ANGPTL6: variants seen among roughly 807,000 people sequenced by gnomAD.
The protein encoded by ANGPTL6 is angiopoietin like 6, also known as angiopoietin-related protein 6.
In ANGPTL6, 45 loss-of-function variants were observed where a neutral mutation model predicts 47.4. That is an observed-to-expected ratio of 0.95 (90% CI 0.75 to 1.22). The LOEUF is 1.22. Among genes scored for constraint, ANGPTL6 ranks in the 50% most tolerant of loss-of-function variants. The probability of loss-of-function intolerance (pLI) is 0.00; values close to 1 mark genes in which losing one functional copy is unlikely to be tolerated. For synonymous variants in ANGPTL6, 290 were observed against 295.9 expected (o/e 0.98, Z 0.20); for missense variants, 698 against 669.4 (o/e 1.04, Z -0.47).
chr19:10,094,287 C>T (rs1254718458), intron 3 of ANGPTL6, among the ~76,000 whole-genome samples: 2 of 152,128 alleles, frequency 1.3e-5, no homozygotes, highest in African/African-American at 2.4e-5. Flanking sequence ...GCTGGGACTA[C>T]AGGCGCCCGC....
At chr19:10,098,099 C>T (rs2088591763) in intron 1 of ANGPTL6, among the ~76,000 whole-genome samples, 1 of 151,846 alleles carries the variant, frequency 6.6e-6, no homozygotes, top group South Asian at 2.1e-4. Flanking sequence ...GCTATGTTGC[C>T]TAGGCTGGTC....
chr19:10,100,872 C>A (rs1363048123), intron 1 of ANGPTL6, among the ~76,000 whole-genome samples: 2 of 152,034 alleles, frequency 1.3e-5, no homozygotes, highest in Non-Finnish European at 2.9e-5. Context: ...ACTGGGTGTG[C>A]TGACTCACGC....
At position 10,096,118 on chromosome 19, in the gene ANGPTL6, T is replaced by G. The variant is rs778278866; in HGVS notation, c.446A>C (p.Glu149Ala). Residue 149 changes from glutamate (E) to alanine (A), a missense_variant, in exon 2 of 6, where the codon GAG becomes GCG. Glu to Ala is a moderately radical substitution (Grantham distance 107). Transcript: ENST00000253109. ...GAACCGGGCGGCTGCGCGCTGAGCCTCGGCGGACGCGTTGAGCACGCGCTC... is the reference window on the plus strand; with the variant it reads ...GAACCGGGCGGCTGCGCGCTGAGCCGCGGCGGACGCGTTGAGCACGCGCTC... Reference protein sequence around the residue: ...LGERVLNASAEAQRAAARFHQ... With the variant: ...LGERVLNASAAAQRAAARFHQ... The G allele has an allele frequency of 4.1e-5, 60 of 1,462,194 alleles. No homozygotes were observed. Among genetic ancestry groups the G allele is most frequent in the Non-Finnish European group, 5.0e-5 (55 of 1,108,392 alleles). 90.6% of individuals were successfully genotyped at this position (1,462,194 alleles called of 1,614,324 possible). A position where few individuals can be genotyped will look rare whatever the true frequency, so the allele number is the denominator to read the frequency against.
At chr19:10,105,867 G>A (rs2088807142), upstream of ANGPTL6, among the ~76,000 whole-genome samples, 1 of 152,222 alleles carries the variant, frequency 6.6e-6, no homozygotes, top group Non-Finnish European at 1.5e-5. Flanking sequence ...AGAAGGTGAT[G>A]TGGAGTTTCC....
chr19:10,105,084 C>A (rs1343247470), upstream of ANGPTL6, among the ~76,000 whole-genome samples: 1 of 152,254 alleles, frequency 6.6e-6, no homozygotes, highest in African/African-American at 2.4e-5. Context: ...CGACCAGCCA[C>A]ACGCCGGGAG....
chr19:10,094,566 C>A, intron 3 of ANGPTL6, 192 bp downstream of exon 3: 1 of 711,782 alleles, frequency 1.4e-6, no homozygotes, highest in African/African-American at 1.8e-5. Context: ...CATCGCCTCA[C>A]TAAAGTAAGA....
rs931791154 is a variant in ANGPTL6, at chr19:10,102,321, G to A, written c.-11+247C>T. On this transcript the variant is annotated intron_variant, in intron 1 of 5. Coordinates refer to ENST00000253109, the MANE Select transcript of ANGPTL6 (RefSeq NM_031917.3). The stretch of plus-strand genomic sequence containing the variant: ...ATGGCCACATTTACTTCTGGACTCA[G>A]ACACCAAGCAGGGGCTCACAAGGAT... Among the ~76,000 whole-genome samples the A allele has an allele frequency of 1.8e-4, 28 of 151,562 alleles. 1 individual carries two copies. Among genetic ancestry groups the A allele is most frequent in the African/African-American group, 6.8e-4 (28 of 41,458 alleles).
Position 10,095,968 on chromosome 19 carries a change from G to C in ANGPTL6, c.582+14C>G. The C allele has an allele frequency of 7.7e-7, 1 of 1,299,964 alleles. No individual in the cohort carries two copies. The allele number at this position is 1,299,964 out of a possible 1,614,324, so 80.5% of individuals were successfully genotyped here. ...CACAGACGATGCTGCTCTCCGGGGA[G>C]GCTGCGAGGTTACCTGCTGCTGCCC... On this transcript the variant is annotated intron_variant, in intron 2 of 5. Coordinates refer to ENST00000253109, the MANE Select transcript of ANGPTL6 (RefSeq NM_031917.3).
chr19:10,103,911 G>A (rs2088747911), upstream of ANGPTL6, among the ~76,000 whole-genome samples: 1 of 151,302 alleles, frequency 6.6e-6, no homozygotes, highest in African/African-American at 2.4e-5. Flanking sequence ...TGGCCAAGAT[G>A]GTGAAACCCC....
upstream of ANGPTL6, chr19:10,106,173 C>A: frequency 4.0e-6 from 3 of 755,552 alleles, no homozygotes; most frequent in South Asian, 2.0e-5. Context: ...CGTTTCTCTG[C>A]AGCCCGGAGC....
At chr19:10,099,844 T>C (rs1312596804) in intron 1 of ANGPTL6, among the ~76,000 whole-genome samples, 4 of 91,452 alleles carry the variant, frequency 4.4e-5, no homozygotes. Context: ...TCTCTCTCTC[T>C]TTCTCTCTTT....
Position 10,096,652 on chromosome 19 carries a change from C to G in ANGPTL6, c.-10-79G>C, listed in dbSNP as rs953632169. On this transcript the variant is annotated intron_variant, in intron 1 of 5. Transcript: ENST00000253109. ...CCCTCCGCTTCCACGCGGGGATGCG[C>G]GCGTCTACACCCGCGATGTCCCGGG... 4.5e-6 allele frequency: 5 copies of G among 1,123,514 alleles called. No individual in the cohort carries two copies. The South Asian group carries it at 6.9e-5, about 16-fold the overall frequency. 69.6% of individuals were successfully genotyped at this position (1,123,514 alleles called of 1,614,324 possible).
chr19:10,103,890 C>T (rs10408158), upstream of ANGPTL6, among the ~76,000 whole-genome samples: 13,321 of 150,764 alleles, frequency 0.088, 1,410 homozygotes, highest in East Asian at 0.37. Context: ...GTCAGCAATT[C>T]GAGACCAGCC....
chr19:10,102,349 G>A (rs896149746), intron 1 of ANGPTL6, among the ~76,000 whole-genome samples: 6 of 151,452 alleles, frequency 4.0e-5, no homozygotes, highest in East Asian at 1.9e-4. Context: ...ACAAGGATCC[G>A]GGGGTAGGGT....
chr19:10,096,403 G>A lies in ANGPTL6; in HGVS notation c.161C>T (p.Pro54Leu), dbSNP rs2088542620. The A allele has an allele frequency of 7.6e-7, 1 of 1,316,112 alleles. No homozygotes were observed. The highest frequency in any genetic ancestry group is 9.6e-7 in the Non-Finnish European group (1 of 1,037,652). 81.5% of individuals were successfully genotyped at this position (1,316,112 alleles called of 1,614,324 possible). ...CAGCTCGCTGGCGTTGGCGGCCTCGGGCGTCGCCCGCGTGGATGCGGGGCC... is the reference window on the plus strand; with the variant it reads ...CAGCTCGCTGGCGTTGGCGGCCTCGAGCGTCGCCCGCGTGGATGCGGGGCC... ...WSGPASTRAT[P>L]EAANASELAA... The change falls in exon 2 of 6, where the codon CCC becomes CTC. Residue 54 changes from proline (P) to leucine (L), a missense_variant. Physicochemically the swap from Pro to Leu is moderately conservative, Grantham distance 98 (BLOSUM62 -3). Coordinates refer to ENST00000253109, the MANE Select transcript of ANGPTL6 (RefSeq NM_031917.3).
At chr19:10,096,642 CGGGGATG>C in intron 1 of ANGPTL6, 69 bp from the exon 2 acceptor site, 1 of 1,208,162 alleles carries the variant, frequency 8.3e-7, no homozygotes, top group Non-Finnish European at 1.1e-6. Flanking sequence ...CGCTTCCACG[CGGGGATG>C]CGCGCGTCTA....
chr19:10,092,868 CT>C (rs1470627486), intron 5 of ANGPTL6, 89 bp from the exon 6 acceptor site: 7 of 1,110,150 alleles, frequency 6.3e-6, no homozygotes, highest in Non-Finnish European at 8.7e-6. Context: ...CAGGCATCCC[CT>C]GGCCCCTCCC....
chr19:10,093,276 C>A, intron 5 of ANGPTL6, 73 bp downstream of exon 5: 1 of 1,544,332 alleles, frequency 6.5e-7, no homozygotes, highest in Non-Finnish European at 8.8e-7. Flanking sequence ...CCTACCCTAC[C>A]TCCTTTCATT....
chr19:10,104,946 T>A (rs1039793993), upstream of ANGPTL6, among the ~76,000 whole-genome samples: 1 of 152,016 alleles, frequency 6.6e-6, no homozygotes, highest in South Asian at 2.1e-4. Flanking sequence ...TTCACACAAG[T>A]CAAATCACAC....
Sources: allele counts gnomAD v4.1 joint callset (sites outside exome capture counted in the v4.1 genomes callset), GRCh38; gene constraint gnomAD v4.1.1; transcripts MANE v1.5; gene names NCBI Gene and HGNC (gene_info 2026-07-23, HGNC 2026-07-21).